PIK3R3: variants seen among roughly 807,000 people sequenced by gnomAD.
The protein encoded by PIK3R3 is phosphatidylinositol 3-kinase regulatory subunit gamma.
A neutral mutation model predicts 62.9 loss-of-function variants in PIK3R3; 64 were observed. That is an observed-to-expected ratio of 1.02 (90% confidence interval 0.83 to 1.25). The LOEUF is 1.25. Ranked by LOEUF, PIK3R3 falls within the 50% of genes most tolerant of loss-of-function variation. PIK3R3 has a pLI of 0.00. For missense variants in PIK3R3, 614 were observed against 561.6 expected, an observed-to-expected ratio of 1.09 and a Z score of -0.94; for synonymous variants, 165 against 189.0, an observed-to-expected ratio of 0.87 and a Z score of 1.04.
At chr1:46,169,259 C>T in the PIK3R3 span, among the ~76,000 whole-genome samples, 1 of 152,206 alleles carries the variant, frequency 6.6e-6, no homozygotes, top group Non-Finnish European at 1.5e-5. Context: ...GGCATCTTAT[C>T]TACCCTCCCT....
intron 1 of PIK3R3, among the ~76,000 whole-genome samples, chr1:46,085,689 G>A (rs991274973): frequency 2.0e-5 from 3 of 152,138 alleles, no homozygotes; most frequent in Non-Finnish European, 2.9e-5. Flanking sequence ...TATCTTGAGG[G>A]AAAAACTGAT....
At chr1:46,085,743 C>A (rs1346990548) in intron 1 of PIK3R3, among the ~76,000 whole-genome samples, 2 of 152,206 alleles carry the variant, frequency 1.3e-5, no homozygotes, top group African/African-American at 4.8e-5. Flanking sequence ...CAAAGTAGTT[C>A]TTGCATTAGG....
At chr1:46,094,664 G>C (rs377745695) in intron 1 of PIK3R3, among the ~76,000 whole-genome samples, 1 of 152,170 alleles carries the variant, frequency 6.6e-6, no homozygotes, top group East Asian at 1.9e-4. Context: ...CTTTGCTCAT[G>C]CATGGACAAA....
At chr1:46,066,625 G>A (rs1275190502) in intron 4 of PIK3R3, among the ~76,000 whole-genome samples, 1 of 152,058 alleles carries the variant, frequency 6.6e-6, no homozygotes, top group Non-Finnish European at 1.5e-5. Context: ...TTCAAGACTA[G>A]CCTGGGCAAC....
At chr1:46,049,268 A>G (rs1260591292) in intron 7 of PIK3R3, among the ~76,000 whole-genome samples, 1 of 152,118 alleles carries the variant, frequency 6.6e-6, no homozygotes, top group Non-Finnish European at 1.5e-5. Context: ...AAAAATATGT[A>G]TTATATAGTG....
At chr1:46,164,382 A>G in the PIK3R3 span, among the ~76,000 whole-genome samples, 1 of 151,920 alleles carries the variant, frequency 6.6e-6, no homozygotes, top group African/African-American at 2.4e-5. Flanking sequence ...CAGGGCCAAC[A>G]CTGTGGTTCA....
At chr1:46,088,924 G>A (rs1651346223) in intron 1 of PIK3R3, among the ~76,000 whole-genome samples, 1 of 151,890 alleles carries the variant, frequency 6.6e-6, no homozygotes, top group African/African-American at 2.4e-5. Context: ...ATGTCTTTGG[G>A]TTGCTCAACA....
chr1:46,090,312 TTTTATTTATTTATTTA>T (rs34068212), intron 1 of PIK3R3, among the ~76,000 whole-genome samples: 11 of 148,462 alleles, frequency 7.4e-5, no homozygotes, highest in Admixed American at 6.1e-4. Flanking sequence ...ACGCAGTCTT[TTTTATTTATTTATTTA>T]TTTATTTATT....
the PIK3R3 span, among the ~76,000 whole-genome samples, chr1:46,141,562 C>G: frequency 6.6e-6 from 1 of 152,182 alleles, no homozygotes; most frequent in Admixed American, 6.5e-5. Flanking sequence ...TGAGCCACCG[C>G]GTCCAGCCTT....
chr1:46,114,301 A>T (rs1041869559), intron 1 of PIK3R3, among the ~76,000 whole-genome samples: 3 of 152,186 alleles, frequency 2.0e-5, no homozygotes, highest in Non-Finnish European at 4.4e-5. Context: ...CCTAAATAAG[A>T]GGGAAGAGGG....
chr1:46,043,557 A>G lies in PIK3R3; in HGVS notation c.*116T>C. Reference sequence around the variant, plus strand: ...TGCTCGGCCTCTCCACTTCACATTCACAAAATCACTTCTTGTGCAAAACAA... The same window carrying G: ...TGCTCGGCCTCTCCACTTCACATTCGCAAAATCACTTCTTGTGCAAAACAA... On this transcript the variant is annotated 3_prime_UTR_variant, in exon 10 of 10. Transcript: ENST00000262741. 1 of 950,350 alleles carries G rather than the reference A, an allele frequency of 1.1e-6. No homozygotes were observed. The highest frequency in any genetic ancestry group is 1.6e-6 in the Non-Finnish European group (1 of 625,532). The allele number at this position is 950,350 out of a possible 1,614,324, so 58.9% of individuals were successfully genotyped here.
At chr1:46,084,149 G>A (rs1650862090) in intron 1 of PIK3R3, among the ~76,000 whole-genome samples, 1 of 152,232 alleles carries the variant, frequency 6.6e-6, no homozygotes, top group Non-Finnish European at 1.5e-5. Context: ...TTTGCTGAGT[G>A]AAAGAAGCCT....
chr1:46,076,676 A>G (rs1650095342), intron 3 of PIK3R3, among the ~76,000 whole-genome samples: 1 of 152,210 alleles, frequency 6.6e-6, no homozygotes, highest in Non-Finnish European at 1.5e-5. Context: ...GGCAGCAAAC[A>G]GCCAGATGAA....
At chr1:46,102,483 C>A (rs1472673157) in intron 1 of PIK3R3, among the ~76,000 whole-genome samples, 2 of 151,940 alleles carry the variant, frequency 1.3e-5, no homozygotes, top group Non-Finnish European at 2.9e-5. Context: ...TAGAATAACC[C>A]ATTAAATACT....
chr1:46,083,966 T>C (rs1033900319), intron 1 of PIK3R3, among the ~76,000 whole-genome samples: 3 of 152,144 alleles, frequency 2.0e-5, no homozygotes, highest in African/African-American at 7.2e-5. Flanking sequence ...AACTTGCACA[T>C]GAATGTTCAT....
At chr1:46,053,103 A>G (rs548798856) in intron 7 of PIK3R3, among the ~76,000 whole-genome samples, 2 of 152,352 alleles carry the variant, frequency 1.3e-5, no homozygotes, top group East Asian at 1.9e-4. Flanking sequence ...AGCATGGACC[A>G]TGGGACACTG....
At chr1:46,065,978 T>C in intron 5 of PIK3R3, 76 bp downstream of exon 5, 1 of 1,302,808 alleles carries the variant, frequency 7.7e-7, no homozygotes, top group Non-Finnish European at 1.1e-6. Context: ...CTAAAGATCA[T>C]CAAGTGAATG....
At chr1:46,125,812 G>A (rs936892193) in intron 1 of PIK3R3, among the ~76,000 whole-genome samples, 9 of 151,192 alleles carry the variant, frequency 6.0e-5, no homozygotes, top group African/African-American at 1.2e-4. Flanking sequence ...CCAGGCTGGA[G>A]TGCAGTGGCA....
upstream of PIK3R3, among the ~76,000 whole-genome samples, chr1:46,133,589 C>T (rs868242497): frequency 1.3e-5 from 2 of 152,190 alleles, no homozygotes; most frequent in Non-Finnish European, 1.5e-5. Context: ...GCCACCTTAC[C>T]ACTCAGGGAG....
Sources: gnomAD v4.1 joint callset for allele counts (sites outside exome capture counted in the v4.1 genomes callset) on GRCh38, gnomAD v4.1.1 for gene constraint, MANE v1.5 for transcripts, NCBI Gene and HGNC (gene_info 2026-07-23, HGNC 2026-07-21) for gene names.